CDH13: variants seen among roughly 807,000 people sequenced by gnomAD.
The protein encoded by CDH13 is cadherin 13.
A neutral mutation model predicts 63.8 loss-of-function variants in CDH13; 24 were observed. That is an observed-to-expected ratio of 0.38 (90% confidence interval 0.27 to 0.53). The LOEUF is 0.53. CDH13 is among the 20% of genes least tolerant of loss of function. CDH13 has a pLI of 0.85. For synonymous variants in CDH13, 503 were observed against 355.3 expected (o/e 1.42, Z -4.67); for missense variants, 1,049 against 903.1 (o/e 1.16, Z -2.07).
chr16:82,663,196 T>G (rs1046867465), intron 1 of CDH13, among the ~76,000 whole-genome samples: 3 of 152,172 alleles, frequency 2.0e-5, no homozygotes, highest in Non-Finnish European at 2.9e-5. Flanking sequence ...TGTTTGTTTG[T>G]TTGTTTTGAG....
At chr16:83,489,615 G>A (rs912406883) in intron 7 of CDH13, among the ~76,000 whole-genome samples, 1 of 152,188 alleles carries the variant, frequency 6.6e-6, no homozygotes, top group Admixed American at 6.5e-5. Flanking sequence ...GTCCAGTGGA[G>A]TTCCCCAGAG....
chr16:83,645,068 G>A (rs1003782510), intron 8 of CDH13, among the ~76,000 whole-genome samples: 3 of 152,092 alleles, frequency 2.0e-5, no homozygotes, highest in African/African-American at 7.2e-5. Context: ...ACCACCCTGA[G>A]CTACATTATA....
intron 5 of CDH13, among the ~76,000 whole-genome samples, chr16:83,342,500 T>C (rs1054406112): frequency 6.6e-6 from 1 of 152,234 alleles, no homozygotes; most frequent in Admixed American, 6.5e-5. Flanking sequence ...GTTGATATTA[T>C]TGTCCTCTGA....
At chr16:83,245,222 G>A (rs1330947647) in intron 5 of CDH13, among the ~76,000 whole-genome samples, 1 of 151,934 alleles carries the variant, frequency 6.6e-6, no homozygotes, top group Non-Finnish European at 1.5e-5. Context: ...GACTTATCTG[G>A]CTCTCTGCCA....
At chr16:83,299,725 T>A (rs561021711) in intron 5 of CDH13, among the ~76,000 whole-genome samples, 2 of 152,248 alleles carry the variant, frequency 1.3e-5, no homozygotes, top group Non-Finnish European at 2.9e-5. Flanking sequence ...ATGCCAGTTG[T>A]TATTACTGCA....
At chr16:82,786,286 T>A (rs538686902) in intron 1 of CDH13, among the ~76,000 whole-genome samples, 8 of 152,254 alleles carry the variant, frequency 5.3e-5, no homozygotes, top group East Asian at 3.9e-4. Flanking sequence ...ATTTTTTTTT[T>A]AAATCTTAAA....
intron 7 of CDH13, among the ~76,000 whole-genome samples, chr16:83,573,463 C>G (rs1904828377): frequency 6.6e-6 from 1 of 152,132 alleles, no homozygotes; most frequent in Non-Finnish European, 1.5e-5. Context: ...GGACAGTGAC[C>G]AGCACTTGTG....
intron 2 of CDH13, among the ~76,000 whole-genome samples, chr16:83,005,614 A>T (rs7206011): frequency 0.56 from 84,640 of 152,040 alleles, 23,787 homozygotes; most frequent in Middle Eastern, 0.61. Context: ...CCCAGGTAAA[A>T]AGGAGTTGTC....
At chr16:82,757,598 C>A (rs182335776) in intron 1 of CDH13, among the ~76,000 whole-genome samples, 1 of 151,900 alleles carries the variant, frequency 6.6e-6, no homozygotes, top group Non-Finnish European at 1.5e-5. Flanking sequence ...GTTTGACTAC[C>A]GCAGCTTGCA....
At chr16:83,488,602 C>A (rs1598137751) in intron 7 of CDH13, among the ~76,000 whole-genome samples, 1 of 152,036 alleles carries the variant, frequency 6.6e-6, no homozygotes, top group East Asian at 1.9e-4. Flanking sequence ...TTCCAACCCT[C>A]CCTATTTTTT....
Position 83,125,273 on chromosome 16 carries a change from A to G in CDH13, c.367-112A>G, listed in dbSNP as rs72798388. 0.034 allele frequency: 22,089 copies of G among 656,510 alleles called. 463 individuals are homozygous for G. The highest frequency in any genetic ancestry group is 0.04 in the Non-Finnish European group (14,399 of 362,382). The allele number at this position is 656,510 out of a possible 1,614,324, so 40.7% of individuals were successfully genotyped here. A position where few individuals can be genotyped will look rare whatever the true frequency, so the allele number is the denominator to read the frequency against. On this transcript the variant is annotated intron_variant, in intron 3 of 13. Coordinates refer to ENST00000567109, the MANE Select transcript of CDH13 (RefSeq NM_001257.5). ...TAATAGGGTTTGATGGAATACAGTGAACACTTTCCAAACAGCTGTATGCTT... is the reference window on the plus strand; with the variant it reads ...TAATAGGGTTTGATGGAATACAGTGGACACTTTCCAAACAGCTGTATGCTT...
At chr16:83,519,873 A>G (rs2074789210) in intron 7 of CDH13, among the ~76,000 whole-genome samples, 1 of 152,140 alleles carries the variant, frequency 6.6e-6, no homozygotes, top group African/African-American at 2.4e-5. Flanking sequence ...GCTGGGGGAC[A>G]AAGGAAGAGT....
chr16:82,925,227 A>T (rs1383723618), intron 2 of CDH13, among the ~76,000 whole-genome samples: 2 of 152,082 alleles, frequency 1.3e-5, no homozygotes. Context: ...TCAAAGAGGG[A>T]GGAGGTGACA....
chr16:83,537,038 C>T lies in CDH13; in HGVS notation c.960+50383C>T, dbSNP rs538661047. ...GAGAACTAAGGCAGAATTTTAAGGA[C>T]GTACAAACATTTTTGAATGGCAGCT... On this transcript the variant is annotated intron_variant, in intron 7 of 13. Coordinates refer to ENST00000567109, the MANE Select transcript of CDH13 (RefSeq NM_001257.5). Among the ~76,000 whole-genome samples, 24 of 152,252 alleles carry T rather than the reference C, an allele frequency of 1.6e-4. No homozygotes were observed. The South Asian group carries it at 1.7e-3, about 11-fold the overall frequency.
intron 2 of CDH13, among the ~76,000 whole-genome samples, chr16:82,939,915 A>T (rs2042781092): frequency 6.6e-6 from 1 of 152,180 alleles, no homozygotes; most frequent in Non-Finnish European, 1.5e-5. Flanking sequence ...AAGGAAAAAG[A>T]GGTTTGATGG....
chr16:83,509,902 C>G (rs535038540), intron 7 of CDH13, among the ~76,000 whole-genome samples: 1 of 152,280 alleles, frequency 6.6e-6, no homozygotes, highest in South Asian at 2.1e-4. Context: ...ATGACTGGCT[C>G]AAGGTCACAC....
At chr16:83,338,283 G>C (rs1226459816) in intron 5 of CDH13, among the ~76,000 whole-genome samples, 1 of 151,800 alleles carries the variant, frequency 6.6e-6, no homozygotes. Context: ...GAGTCCACCA[G>C]CCTAGAGTCC....
chr16:83,762,155 A>G (rs114962138), intron 11 of CDH13, among the ~76,000 whole-genome samples: 451 of 152,328 alleles, frequency 3.0e-3, no homozygotes, highest in African/African-American at 0.01. Context: ...TTGTTTTGCT[A>G]CATCAAAACT....
At chr16:82,947,865 G>A (rs1904900503) in intron 2 of CDH13, among the ~76,000 whole-genome samples, 1 of 152,178 alleles carries the variant, frequency 6.6e-6, no homozygotes, top group African/African-American at 2.4e-5. Flanking sequence ...ACAAGAATGA[G>A]TGTCACAGGG....
Sources: allele counts gnomAD v4.1 joint callset (sites outside exome capture counted in the v4.1 genomes callset), GRCh38; gene constraint gnomAD v4.1.1; transcripts MANE v1.5; gene names NCBI Gene and HGNC (gene_info 2026-07-23, HGNC 2026-07-21).